ZNF385B: variants seen among roughly 807,000 people sequenced by gnomAD.
The protein encoded by ZNF385B is zinc finger protein 533.
A neutral mutation model predicts 39.2 loss-of-function variants in ZNF385B; 23 were observed. That is an observed-to-expected ratio of 0.59 (90% CI 0.42 to 0.83). The LOEUF is 0.83. ZNF385B is among the 40% of genes least tolerant of loss of function. The pLI is 0.00. For missense variants in ZNF385B, 552 were observed against 598.9 expected, an observed-to-expected ratio of 0.92 and a Z score of 0.82; for synonymous variants, 205 against 222.6, an observed-to-expected ratio of 0.92 and a Z score of 0.70.
At chr2:179,445,408 C>T (rs1396559431) in intron 8 of ZNF385B, 142 bp downstream of exon 8, 1 of 714,396 alleles carries the variant, frequency 1.4e-6, no homozygotes, top group Admixed American at 3.1e-5. Context: ...CATGTTAGCA[C>T]CTATATGTTG....
At chr2:179,613,658 C>T (rs1479011142) in intron 3 of ZNF385B, among the ~76,000 whole-genome samples, 5 of 152,074 alleles carry the variant, frequency 3.3e-5, no homozygotes, top group African/African-American at 9.7e-5. Flanking sequence ...CTTTACTCTT[C>T]CTTCTTCTCT....
At chr2:179,487,332 T>C (rs1281812855) in intron 5 of ZNF385B, among the ~76,000 whole-genome samples, 5 of 152,226 alleles carry the variant, frequency 3.3e-5, no homozygotes, top group Non-Finnish European at 7.3e-5. Context: ...AGTGGAAGAC[T>C]GTGAAATAAA....
At chr2:179,444,784 GA>G in intron 9 of ZNF385B, 91 bp downstream of exon 9, 1 of 1,056,082 alleles carries the variant, frequency 9.5e-7, no homozygotes, top group South Asian at 1.3e-5. Flanking sequence ...AACCTTTCAT[GA>G]CATTAGACTC....
intron 1 of ZNF385B, among the ~76,000 whole-genome samples, chr2:179,818,050 ATGTG>A (rs1040448994): frequency 6.6e-6 from 1 of 150,866 alleles, no homozygotes; most frequent in African/African-American, 2.4e-5. Context: ...ATGTGTGTGA[ATGTG>A]TGTGTGTAGT....
At chr2:179,714,918 G>A (rs188341303) in intron 3 of ZNF385B, among the ~76,000 whole-genome samples, 96 of 111,858 alleles carry the variant, frequency 8.6e-4, no homozygotes, top group Admixed American at 1.4e-3. Flanking sequence ...ACTCCAGCCT[G>A]GGTAACAAAG....
At chr2:179,481,321 GC>G (rs999092827) in intron 6 of ZNF385B, among the ~76,000 whole-genome samples, 4 of 151,576 alleles carry the variant, frequency 2.6e-5, no homozygotes, top group Non-Finnish European at 5.9e-5. Context: ...TATAATCCGG[GC>G]CCCTTTATTT....
At chr2:179,666,180 T>C (rs1353208036) in intron 3 of ZNF385B, among the ~76,000 whole-genome samples, 3 of 152,198 alleles carry the variant, frequency 2.0e-5, no homozygotes, top group Non-Finnish European at 2.9e-5. Context: ...TAAAAAAAAT[T>C]TCATTAAGGA....
intron 1 of ZNF385B, among the ~76,000 whole-genome samples, chr2:179,771,096 T>C (rs1339143640): frequency 1.3e-5 from 2 of 152,124 alleles, no homozygotes; most frequent in Non-Finnish European, 2.9e-5. Flanking sequence ...GGCAGTGCTG[T>C]GCCATAAGAG....
At chr2:179,686,470 G>T (rs1228449241) in intron 3 of ZNF385B, among the ~76,000 whole-genome samples, 2 of 152,158 alleles carry the variant, frequency 1.3e-5, no homozygotes, top group Non-Finnish European at 2.9e-5. Context: ...ATTGGCTTGG[G>T]GAAAGGAAGG....
intron 4 of ZNF385B, among the ~76,000 whole-genome samples, chr2:179,539,176 G>A (rs1438919799): frequency 6.6e-6 from 1 of 152,194 alleles, no homozygotes; most frequent in African/African-American, 2.4e-5. Flanking sequence ...CCAGTATGGT[G>A]GGGTTCCGAG....
At chr2:179,844,169 C>T (rs901203647) in intron 1 of ZNF385B, among the ~76,000 whole-genome samples, 2 of 152,202 alleles carry the variant, frequency 1.3e-5, no homozygotes, top group African/African-American at 4.8e-5. Context: ...AAACGGACAT[C>T]GATTGAAACC....
intron 1 of ZNF385B, among the ~76,000 whole-genome samples, chr2:179,854,095 T>C (rs1684392484): frequency 6.6e-6 from 1 of 152,226 alleles, no homozygotes; most frequent in Non-Finnish European, 1.5e-5. Context: ...TATGTGTATC[T>C]GTATACAAAC....
chr2:179,612,624 G>C (rs976438514), intron 3 of ZNF385B, among the ~76,000 whole-genome samples: 2 of 152,118 alleles, frequency 1.3e-5, no homozygotes, highest in African/African-American at 4.8e-5. Flanking sequence ...CTGGAGCTGG[G>C]GGATGGGTGA....
At chr2:179,741,090 G>A (rs1702061136) in intron 3 of ZNF385B, among the ~76,000 whole-genome samples, 1 of 152,066 alleles carries the variant, frequency 6.6e-6, no homozygotes, top group Non-Finnish European at 1.5e-5. Flanking sequence ...TTGGGTTAAT[G>A]GCACTCACAT....
At chr2:179,484,720 G>A (rs2054378934) in intron 5 of ZNF385B, among the ~76,000 whole-genome samples, 1 of 152,142 alleles carries the variant, frequency 6.6e-6, no homozygotes, top group Non-Finnish European at 1.5e-5. Context: ...ACAAGGGTAA[G>A]CTAAAACAGC....
chr2:179,743,710 T>G (rs1413811759), intron 3 of ZNF385B, among the ~76,000 whole-genome samples: 2 of 152,176 alleles, frequency 1.3e-5, no homozygotes, highest in African/African-American at 4.8e-5. Context: ...AAGAGAAGGT[T>G]AAGGAAAGCA....
chr2:179,619,962 T>C (rs1330983987), intron 3 of ZNF385B, among the ~76,000 whole-genome samples: 2 of 152,212 alleles, frequency 1.3e-5, no homozygotes, highest in Non-Finnish European at 2.9e-5. Flanking sequence ...AGCAAGTTTC[T>C]CAACCTCTCT....
At chr2:179,544,449 AT>A (rs549703963) in intron 4 of ZNF385B, among the ~76,000 whole-genome samples, 2,313 of 148,730 alleles carry the variant, frequency 0.016, 47 homozygotes, top group African/African-American at 0.051. Flanking sequence ...TCCTACAGTC[AT>A]TTTTTTTTTT....
rs574545437 is a variant in ZNF385B at position 179,616,229 on chromosome 2, G to A, written c.299-71260C>T. On this transcript the variant is annotated intron_variant, in intron 3 of 9. Coordinates refer to ENST00000410066, the MANE Select transcript of ZNF385B (RefSeq NM_152520.6). ...TGTGGGAATCAAATGAGAGTACTTA[G>A]TACAATGCTTGGCACACAATGAGAA... Among the ~76,000 whole-genome samples, 10 of 152,298 alleles carry A rather than the reference G, an allele frequency of 6.6e-5. 1 individual carries two copies. The East Asian group carries it at 1.9e-3, about 29-fold the overall frequency.
Sources: allele counts gnomAD v4.1 joint callset (sites outside exome capture counted in the v4.1 genomes callset), GRCh38; gene constraint gnomAD v4.1.1; transcripts MANE v1.5; gene names NCBI Gene and HGNC (gene_info 2026-07-23, HGNC 2026-07-21).